The following POU3F3 variants were observed in gnomAD, a reference collection of about 807,000 sequenced individuals.
POU3F3 encodes the protein POU class 3 homeobox 3, also known as POU domain, class 3, transcription factor 3.
A neutral mutation model predicts 8.6 loss-of-function variants in POU3F3; 1 was observed. The observed-to-expected ratio is 0.12, with a 90% CI of 0.04 to 0.55. POU3F3 has a LOEUF of 0.55. Ranked by LOEUF, POU3F3 falls within the 20% of genes least tolerant of loss-of-function variation. The pLI is 0.91. For synonymous variants in POU3F3, 418 were observed against 327.4 expected, an observed-to-expected ratio of 1.28 and a Z score of -2.99; for missense variants, 577 against 690.7, an observed-to-expected ratio of 0.84 and a Z score of 1.84.
chr2:104,906,170 T>C, the POU3F3 span, among the ~76,000 whole-genome samples: 2 of 152,248 alleles, frequency 1.3e-5, no homozygotes, highest in Admixed American at 1.3e-4. Flanking sequence ...TATTCATTTT[T>C]TTCCTGTTGC....
chr2:104,860,200 G>A (rs1049500808), downstream of POU3F3, among the ~76,000 whole-genome samples: 11 of 152,124 alleles, frequency 7.2e-5, no homozygotes, highest in African/African-American at 2.7e-4. Flanking sequence ...CTGATTTGGG[G>A]GTAGCAGAGT....
the POU3F3 span, among the ~76,000 whole-genome samples, chr2:104,889,130 C>G: frequency 6.6e-6 from 1 of 152,080 alleles, no homozygotes. Context: ...GAATGTTTTC[C>G]GTGATGCGAT....
At chr2:104,862,335 G>A (rs1020472181), downstream of POU3F3, among the ~76,000 whole-genome samples, 8 of 152,226 alleles carry the variant, frequency 5.3e-5, no homozygotes, top group African/African-American at 1.9e-4. Flanking sequence ...CGATGTGTGC[G>A]CTAGTGTGTG....
the POU3F3 span, among the ~76,000 whole-genome samples, chr2:104,880,444 G>A: frequency 2.6e-5 from 4 of 152,120 alleles, no homozygotes; most frequent in African/African-American, 7.2e-5. Flanking sequence ...TTCTAGGGGA[G>A]CAGCCTAGGA....
the POU3F3 span, among the ~76,000 whole-genome samples, chr2:104,891,614 T>C: frequency 6.6e-6 from 1 of 152,160 alleles, no homozygotes; most frequent in East Asian, 1.9e-4. Flanking sequence ...CGGTGGCCAG[T>C]TTCCCAGGTG....
downstream of POU3F3, chr2:104,858,575 T>C (rs1265085337): frequency 6.6e-6 from 1 of 152,226 alleles, no homozygotes; most frequent in Non-Finnish European, 1.5e-5. Context: ...TAGAATGAAA[T>C]AGTCTGTGTC....
At chr2:104,921,267 G>T in the POU3F3 span, among the ~76,000 whole-genome samples, 2 of 152,056 alleles carry the variant, frequency 1.3e-5, no homozygotes, top group Non-Finnish European at 2.9e-5. Context: ...GCATGAAGGG[G>T]GTGCTGTCAA....
the POU3F3 span, chr2:104,870,068 C>G: frequency 6.6e-6 from 1 of 152,404 alleles, no homozygotes; most frequent in South Asian, 2.1e-4. Context: ...TCAGGGCCAT[C>G]ATACATAAGC....
the POU3F3 span, among the ~76,000 whole-genome samples, chr2:104,895,062 AGTGTGTGT>A: frequency 0.51 from 75,945 of 149,248 alleles, 19,327 homozygotes; most frequent in Non-Finnish European, 0.54. Context: ...TGCACAGGTG[AGTGTGTGT>A]GTGTGTGTGT....
the POU3F3 span, among the ~76,000 whole-genome samples, chr2:104,881,072 A>G: frequency 6.8e-6 from 1 of 147,428 alleles, no homozygotes; most frequent in African/African-American, 2.5e-5. Flanking sequence ...TATTTCACAT[A>G]CAACCTACTT....
At chr2:104,914,546 T>G in the POU3F3 span, among the ~76,000 whole-genome samples, 5 of 152,194 alleles carry the variant, frequency 3.3e-5, no homozygotes, top group Admixed American at 3.3e-4. Context: ...CTGATGTCTT[T>G]AAAGTATTGC....
the POU3F3 span, among the ~76,000 whole-genome samples, chr2:104,909,734 G>A: frequency 2.6e-5 from 4 of 152,200 alleles, no homozygotes; most frequent in Non-Finnish European, 5.9e-5. Context: ...GCAAGTGACT[G>A]GTAATGAAGA....
At chr2:104,879,164 G>T in the POU3F3 span, among the ~76,000 whole-genome samples, 103 of 151,916 alleles carry the variant, frequency 6.8e-4, no homozygotes, top group African/African-American at 2.2e-3. Context: ...AATACACATG[G>T]CACACAACAC....
the POU3F3 span, among the ~76,000 whole-genome samples, chr2:104,881,455 C>T: frequency 1.3e-5 from 2 of 152,134 alleles, no homozygotes; most frequent in Admixed American, 6.5e-5. Flanking sequence ...CATGAGCCCC[C>T]ACACCCATCC....
At chr2:104,866,303 C>T in the POU3F3 span, 1 of 152,074 alleles carries the variant, frequency 6.6e-6, no homozygotes, top group Admixed American at 6.6e-5. Flanking sequence ...GAGGGGCGGC[C>T]GAGGTCAGCA....
the POU3F3 span, among the ~76,000 whole-genome samples, chr2:104,919,372 T>A: frequency 1.1e-4 from 16 of 152,296 alleles, 1 homozygote; most frequent in South Asian, 3.3e-3. Context: ...ACTGGTGAGT[T>A]TGTCCTTCTT....
At chr2:104,868,767 C>T in the POU3F3 span, among the ~76,000 whole-genome samples, 1 of 152,192 alleles carries the variant, frequency 6.6e-6, no homozygotes, top group African/African-American at 2.4e-5. Context: ...TGGTTACAAA[C>T]AGTGCAAATG....
At chr2:104,859,293 G>A (rs1573322864), downstream of POU3F3, among the ~76,000 whole-genome samples, 1 of 152,030 alleles carries the variant, frequency 6.6e-6, no homozygotes, top group African/African-American at 2.4e-5. Context: ...ACTGGTGCTG[G>A]GGGTTTTAGG....
chr2:104,861,869 ACCT>A (rs1487901884), downstream of POU3F3, among the ~76,000 whole-genome samples: 3 of 151,794 alleles, frequency 2.0e-5, no homozygotes, highest in African/African-American at 7.3e-5. Flanking sequence ...CACCCATGTG[ACCT>A]CCTGGGTGCA....
Sources: allele counts gnomAD v4.1 joint callset (sites outside exome capture counted in the v4.1 genomes callset), GRCh38; gene constraint gnomAD v4.1.1; transcripts MANE v1.5; gene names NCBI Gene and HGNC (gene_info 2026-07-23, HGNC 2026-07-21).